Variants in C1QTNF1 observed in about 807,000 individuals in gnomAD.
C1QTNF1 encodes C1q and TNF related 1.
In C1QTNF1, 22 loss-of-function variants were observed where a neutral mutation model predicts 27.8. The observed-to-expected ratio is 0.79, with a 90% CI of 0.56 to 1.13. The LOEUF is 1.13. C1QTNF1 is among the 50% of genes most tolerant of loss of function. The pLI is 0.00. For missense variants in C1QTNF1, 373 were observed against 380.2 expected, an observed-to-expected ratio of 0.98 and a Z score of 0.16; for synonymous variants, 166 against 154.3, an observed-to-expected ratio of 1.08 and a Z score of -0.56.
At chr17:79,042,119 T>G (rs1254932602) in intron 1 of C1QTNF1, among the ~76,000 whole-genome samples, 7 of 152,208 alleles carry the variant, frequency 4.6e-5, no homozygotes, top group African/African-American at 1.7e-4. Flanking sequence ...GAATGAGGTG[T>G]TCCCACGGGG....
intron 1 of C1QTNF1, among the ~76,000 whole-genome samples, chr17:79,037,837 A>G (rs2145909069): frequency 6.6e-6 from 1 of 151,772 alleles, no homozygotes; most frequent in South Asian, 2.1e-4. Context: ...ATGCCTGGCT[A>G]ATTTTTGTGT....
At chr17:79,037,599 G>T (rs950507203) in intron 1 of C1QTNF1, among the ~76,000 whole-genome samples, 6 of 152,120 alleles carry the variant, frequency 3.9e-5, no homozygotes. Context: ...AAGGAATGGT[G>T]AACTTGCATG....
At position 79,032,736 on chromosome 17, in the gene C1QTNF1, G is replaced by A. The variant is rs528686059; in HGVS notation, c.-15+8242G>A. On this transcript the variant is annotated intron_variant, in intron 1 of 3. Transcript: ENST00000579760. ...GGAGAAGCTAATGTGGTAAGGACGG[G>A]GGAGAAGGATATGAGTTAATTGGGG... 4.6e-5 allele frequency among the ~76,000 whole-genome samples: 7 copies of A among 152,326 alleles called. 2 individuals carry two copies. The South Asian group carries it at 1.4e-3, about 32-fold the overall frequency.
At chr17:79,028,883 G>GGT (rs3223281) in intron 1 of C1QTNF1, among the ~76,000 whole-genome samples, 42,484 of 149,212 alleles carry the variant, frequency 0.28, 6,990 homozygotes, top group Admixed American at 0.41. Context: ...CACATTTTAA[G>GGT]GTGTGTGTGT....
At chr17:79,045,531 C>T (rs959968709) in intron 2 of C1QTNF1, among the ~76,000 whole-genome samples, 2 of 152,074 alleles carry the variant, frequency 1.3e-5, no homozygotes, top group African/African-American at 4.8e-5. Context: ...ATGATGAGGG[C>T]CCTGGGCTCA....
At chr17:79,032,975 G>C (rs1330068541) in intron 1 of C1QTNF1, among the ~76,000 whole-genome samples, 1 of 151,876 alleles carries the variant, frequency 6.6e-6, no homozygotes, top group Non-Finnish European at 1.5e-5. Context: ...GGCTGAGGCA[G>C]GAGAATTGCT....
At chr17:79,042,837 G>A (rs1391599598) in intron 1 of C1QTNF1, among the ~76,000 whole-genome samples, 1 of 152,260 alleles carries the variant, frequency 6.6e-6, no homozygotes, top group African/African-American at 2.4e-5. Context: ...GCGCACATGT[G>A]AAGGTGTGTG....
At chr17:79,047,004 T>G (rs1232190262) in intron 3 of C1QTNF1, 1 of 351,740 alleles carries the variant, frequency 2.8e-6, no homozygotes, top group African/African-American at 2.1e-5. Context: ...GGCCCTTTGC[T>G]TTGGGGCTTG....
intron 3 of C1QTNF1, chr17:79,047,231 T>G: frequency 2.8e-6 from 1 of 351,032 alleles, no homozygotes; most frequent in Non-Finnish European, 5.1e-6. Context: ...TTTCTTTTTT[T>G]TCTTTTCTTT....
chr17:79,028,544 G>A (rs764695047), intron 1 of C1QTNF1, among the ~76,000 whole-genome samples: 3 of 152,214 alleles, frequency 2.0e-5, no homozygotes, highest in Non-Finnish European at 4.4e-5. Flanking sequence ...AAGGATCTGG[G>A]TGGGTTAGGG....
At chr17:79,042,891 G>T (rs1258464556) in intron 1 of C1QTNF1, among the ~76,000 whole-genome samples, 3 of 152,206 alleles carry the variant, frequency 2.0e-5, no homozygotes, top group Non-Finnish European at 4.4e-5. Context: ...GCATGCATGT[G>T]AATGTGTTGA....
chr17:79,044,233 A>G (rs1352045174), intron 2 of C1QTNF1, 110 bp downstream of exon 2: 40 of 1,254,424 alleles, frequency 3.2e-5, no homozygotes, highest in Non-Finnish European at 4.1e-5. Context: ...AAGGCAAGAA[A>G]GCTGAAGCTG....
chr17:79,043,422 T>C, intron 1 of C1QTNF1: 1 of 452,706 alleles, frequency 2.2e-6, no homozygotes, highest in South Asian at 1.6e-5. Context: ...TGTATGTGTG[T>C]TGACTGTGTG....
chr17:79,048,445 G>T lies in C1QTNF1; in HGVS notation c.*357G>T, dbSNP rs754803695. Reference sequence around the variant, plus strand: ...GGAAATAATTAGGCAAATTCTAAAGGTCTCAAAAGGAGCAAAGTAAACCGT... The same window carrying T: ...GGAAATAATTAGGCAAATTCTAAAGTTCTCAAAAGGAGCAAAGTAAACCGT... On this transcript the variant is annotated 3_prime_UTR_variant, in exon 4 of 4. Transcript: ENST00000579760. The T allele has an allele frequency of 6.0e-5, 13 of 216,870 alleles. No homozygotes were observed. The highest frequency in any genetic ancestry group is 8.1e-5 in the Non-Finnish European group (9 of 110,702). 13.4% of individuals were successfully genotyped at this position (216,870 alleles called of 1,614,324 possible). A position where few individuals can be genotyped will look rare whatever the true frequency, so the allele number is the denominator to read the frequency against.
chr17:79,047,776 C>T lies in C1QTNF1; in HGVS notation c.534C>T (p.Phe178=), dbSNP rs781114474. 1 of 1,614,200 alleles carries T rather than the reference C, an allele frequency of 6.2e-7. No individual in the cohort carries two copies. The highest frequency in any genetic ancestry group is 1.1e-5 in the South Asian group (1 of 91,084). The change falls in exon 4 of 4, where the codon TTC becomes TTT. Residue 178 remains phenylalanine (F), a synonymous_variant. Coordinates refer to ENST00000579760, the MANE Select transcript of C1QTNF1 (RefSeq NM_030968.5). ...DTEFVNLYDH[F]NMFTGKFYCY... ...AGTTCGTGAACCTCTACGACCACTTCAACATGTTCACCGGCAAGTTCTACT... is the reference window on the plus strand; with the variant it reads ...AGTTCGTGAACCTCTACGACCACTTTAACATGTTCACCGGCAAGTTCTACT...
At chr17:79,030,502 TTTCTTTCTTTCTTTCTTTC>T (rs2072106443) in intron 1 of C1QTNF1, among the ~76,000 whole-genome samples, 1 of 130,776 alleles carries the variant, frequency 7.6e-6, no homozygotes, top group African/African-American at 2.9e-5. Context: ...TCTTTCTTTC[TTTCTTTCTTTCTTTCTTTC>T]TTTCTTTCTT....
At chr17:79,030,280 G>A (rs1477884388) in intron 1 of C1QTNF1, among the ~76,000 whole-genome samples, 1 of 151,944 alleles carries the variant, frequency 6.6e-6, no homozygotes, top group East Asian at 1.9e-4. Context: ...GATAATTGCT[G>A]TTGGCAGCCT....
chr17:79,028,668 G>A (rs2145886405), intron 1 of C1QTNF1, among the ~76,000 whole-genome samples: 1 of 152,318 alleles, frequency 6.6e-6, no homozygotes, highest in South Asian at 2.1e-4. Context: ...TGTGGTGCGT[G>A]AACTTAGATT....
At position 79,048,899 on chromosome 17, in the gene C1QTNF1, A is replaced by G. The variant is rs1269871799; in HGVS notation, c.*811A>G. 2 of 152,150 alleles carry G rather than the reference A, an allele frequency of 1.3e-5. No homozygotes were observed. Among genetic ancestry groups the G allele is most frequent in the African/African-American group, 4.8e-5 (2 of 41,432 alleles). The allele number at this position is 152,150 out of a possible 1,614,324, so 9.4% of individuals were successfully genotyped here. A position where few individuals can be genotyped will look rare whatever the true frequency, so the allele number is the denominator to read the frequency against. On this transcript the variant is annotated 3_prime_UTR_variant, in exon 4 of 4. Transcript: ENST00000579760. ...TTCTATGAGGGGCAGAGCTCCTGGT[A>G]CATCCATGTGTGGCTCTGCTCCACC...
Sources: allele counts gnomAD v4.1 joint callset (sites outside exome capture counted in the v4.1 genomes callset), GRCh38; gene constraint gnomAD v4.1.1; transcripts MANE v1.5; gene names NCBI Gene and HGNC (gene_info 2026-07-23, HGNC 2026-07-21).